PKP4: variants seen among roughly 807,000 people sequenced by gnomAD.
PKP4 encodes plakophilin-4.
In PKP4, 90 loss-of-function variants were observed where a neutral mutation model predicts 145.1. The observed-to-expected ratio is 0.62, with a 90% CI of 0.52 to 0.74. PKP4 has a LOEUF of 0.74. PKP4 is among the 30% of genes least tolerant of loss of function. The pLI, the probability that PKP4 is intolerant of heterozygous loss-of-function variation, is 0.00. For missense variants in PKP4, 1,340 were observed against 1,482.7 expected, an observed-to-expected ratio of 0.90 and a Z score of 1.58; for synonymous variants, 563 against 577.2, an observed-to-expected ratio of 0.98 and a Z score of 0.35.
Position 158,620,674 on chromosome 2 carries a change from T to G in PKP4, c.281-316T>G, listed in dbSNP as rs146903718. 4.9e-4 allele frequency among the ~76,000 whole-genome samples: 75 copies of G among 152,324 alleles called. 1 individual carries two copies. The highest frequency in any genetic ancestry group is 1.7e-3 in the African/African-American group (72 of 41,586). On this transcript the variant is annotated intron_variant, in intron 4 of 21. Transcript: ENST00000389759. ...ATACTTGGTCTCCATTCTCAGTCTTTTAATCCCTTGGAGGAAGGTGTCTGA... is the reference window on the plus strand; with the variant it reads ...ATACTTGGTCTCCATTCTCAGTCTTGTAATCCCTTGGAGGAAGGTGTCTGA...
intron 7 of PKP4, among the ~76,000 whole-genome samples, chr2:158,631,368 T>A (rs2053341710): frequency 6.6e-6 from 1 of 152,070 alleles, no homozygotes; most frequent in African/African-American, 2.4e-5. Context: ...TCTTAGTATA[T>A]ATCTATGTAT....
intron 1 of PKP4, among the ~76,000 whole-genome samples, chr2:158,474,786 C>CT (rs1692189001): frequency 6.6e-6 from 1 of 152,118 alleles, no homozygotes; most frequent in Admixed American, 6.5e-5. Flanking sequence ...AGTGGGAGGC[C>CT]TTCTCAGGAC....
intron 2 of PKP4, among the ~76,000 whole-genome samples, chr2:158,560,588 A>AT (rs975106231): frequency 3.3e-5 from 5 of 151,960 alleles, no homozygotes; most frequent in South Asian, 2.1e-4. Flanking sequence ...AAATTACTTA[A>AT]TTTTTTTTTC....
intron 11 of PKP4, among the ~76,000 whole-genome samples, chr2:158,650,342 C>T (rs190160339): frequency 8.6e-4 from 131 of 152,240 alleles, no homozygotes; most frequent in Middle Eastern, 3.4e-3. Context: ...GTCATTAATC[C>T]TCAAAACATA....
intron 1 of PKP4, among the ~76,000 whole-genome samples, chr2:158,489,937 C>G (rs1364587347): frequency 6.6e-6 from 1 of 152,120 alleles, no homozygotes; most frequent in Admixed American, 6.6e-5. Flanking sequence ...TACTTCACCC[C>G]CTTCCCCCGT....
At chr2:158,537,518 G>A (rs2044154071) in intron 2 of PKP4, among the ~76,000 whole-genome samples, 2 of 152,320 alleles carry the variant, frequency 1.3e-5, no homozygotes, top group South Asian at 4.1e-4. Flanking sequence ...ATGTGATTCT[G>A]AAATTACAGG....
chr2:158,612,018 A>T (rs911269519), intron 4 of PKP4, among the ~76,000 whole-genome samples: 6 of 109,188 alleles, frequency 5.5e-5, no homozygotes, highest in Non-Finnish European at 9.4e-5. Flanking sequence ...ATGCTTCTTT[A>T]AAAAAAAAAA....
chr2:158,577,303 G>A lies in PKP4; in HGVS notation c.165G>A (p.Leu55=). The A allele has an allele frequency of 6.2e-7, 1 of 1,613,592 alleles. No homozygotes were observed. ...AGTTTCAGCGACTCACCCGAGAACTGGAAGTGGAAAGGCAGATTGTTGCCA... is the reference window on the plus strand; with the variant it reads ...AGTTTCAGCGACTCACCCGAGAACTAGAAGTGGAAAGGCAGATTGTTGCCA... ...ELQFQRLTRE[L]EVERQIVASQ... Residue 55 remains leucine, a synonymous_variant, in exon 3 of 22, where the codon CTG becomes CTA. Coordinates refer to ENST00000389759, the MANE Select transcript of PKP4 (RefSeq NM_003628.6).
intron 1 of PKP4, among the ~76,000 whole-genome samples, chr2:158,504,588 A>T (rs1462871114): frequency 1.3e-5 from 2 of 152,196 alleles, no homozygotes; most frequent in East Asian, 3.9e-4. Flanking sequence ...ATTATTTACT[A>T]GAATAGGTAG....
intron 1 of PKP4, among the ~76,000 whole-genome samples, chr2:158,529,505 T>A (rs2043317835): frequency 6.6e-6 from 1 of 152,162 alleles, no homozygotes; most frequent in South Asian, 2.1e-4. Flanking sequence ...ACTCATCATC[T>A]CTTGAATGGA....
At chr2:158,535,696 T>C (rs114638691) in intron 2 of PKP4, among the ~76,000 whole-genome samples, 1,671 of 152,254 alleles carry the variant, frequency 0.011, 37 homozygotes, top group African/African-American at 0.039. Flanking sequence ...GTGAGGATTA[T>C]AAGTGTGAGC....
At position 158,680,530 on chromosome 2, in the gene PKP4, T is replaced by C; in HGVS notation, c.3432T>C (p.Phe1144=). The change falls in exon 22 of 22, where the codon TTT becomes TTC. Residue 1144 remains phenylalanine, a synonymous_variant. Transcript: ENST00000389759. ...CTCATAGCTATGAAGATCCTTATTTTGATGACCGAGTTCACTTTCCAGCTT... is the reference window on the plus strand; with the variant it reads ...CTCATAGCTATGAAGATCCTTATTTCGATGACCGAGTTCACTTTCCAGCTT... ...QSPHSYEDPY[F]DDRVHFPAST... is the part of the protein sequence containing the mutation. The C allele has an allele frequency of 6.2e-7, 1 of 1,614,142 alleles. No homozygotes were observed. Among genetic ancestry groups the C allele is most frequent in the Non-Finnish European group, 8.5e-7 (1 of 1,179,986 alleles).
intron 2 of PKP4, among the ~76,000 whole-genome samples, chr2:158,547,814 A>G (rs945114333): frequency 6.6e-5 from 10 of 151,858 alleles, no homozygotes; most frequent in African/African-American, 2.4e-4. Context: ...ATGCAGCTTA[A>G]TATTGGGCAC....
rs375484468 is a variant in PKP4, at chr2:158,624,837, C to T, written c.604-41C>T. On this transcript the variant is annotated intron_variant, in intron 6 of 21. Transcript: ENST00000389759. ...TTTGTAATGGCAATGAACACAAAAC[C>T]CTGGATAAACCCATTCTCTTTTTTC... 1.2e-5 allele frequency: 18 copies of T among 1,493,912 alleles called. No individual in the cohort carries two copies. The African/African-American group carries it at 2.5e-4, about 21-fold the overall frequency. The allele number at this position is 1,493,912 out of a possible 1,614,324, so 92.5% of individuals were successfully genotyped here.
At chr2:158,627,450 G>A (rs945612700) in intron 7 of PKP4, among the ~76,000 whole-genome samples, 1 of 151,920 alleles carries the variant, frequency 6.6e-6, no homozygotes, top group South Asian at 2.1e-4. Context: ...TTATGTCTTG[G>A]GGGGAAAATA....
chr2:158,541,741 T>A (rs1011725420), intron 2 of PKP4, among the ~76,000 whole-genome samples: 1 of 152,172 alleles, frequency 6.6e-6, no homozygotes, highest in African/African-American at 2.4e-5. Context: ...GTTTAGTGTT[T>A]TAACTTGTAG....
chr2:158,656,407 G>A (rs2055928299), intron 11 of PKP4, among the ~76,000 whole-genome samples: 3 of 152,096 alleles, frequency 2.0e-5, no homozygotes, highest in Admixed American at 2.0e-4. Context: ...AATTATATAA[G>A]CAAAGGTCTA....
intron 1 of PKP4, among the ~76,000 whole-genome samples, chr2:158,459,816 A>G (rs1689490688): frequency 6.6e-6 from 1 of 151,744 alleles, no homozygotes; most frequent in African/African-American, 2.4e-5. Context: ...CACACACGAC[A>G]CACACACACA....
At chr2:158,483,707 A>G (rs968619301) in intron 1 of PKP4, among the ~76,000 whole-genome samples, 1 of 152,126 alleles carries the variant, frequency 6.6e-6, no homozygotes, top group Non-Finnish European at 1.5e-5. Flanking sequence ...ATACTAAGGG[A>G]CATAATTTTC....
Sources: allele counts gnomAD v4.1 joint callset (sites outside exome capture counted in the v4.1 genomes callset), GRCh38; gene constraint gnomAD v4.1.1; transcripts MANE v1.5; gene names NCBI Gene and HGNC (gene_info 2026-07-23, HGNC 2026-07-21).